OPN5: variants seen among roughly 807,000 people sequenced by gnomAD.
OPN5 encodes opsin 5, also known as opsin-5.
In OPN5, 18 loss-of-function variants were observed where a neutral mutation model predicts 41.7. That is an observed-to-expected ratio of 0.43 (90% CI 0.30 to 0.64). The LOEUF (loss-of-function observed/expected upper bound fraction) is 0.64. Among genes scored for constraint, OPN5 ranks in the 30% least tolerant of loss-of-function variants. The pLI is 0.13. For synonymous variants in OPN5, 178 were observed against 164.3 expected, an observed-to-expected ratio of 1.08 and a Z score of -0.64; for missense variants, 318 against 434.5, an observed-to-expected ratio of 0.73 and a Z score of 2.38.
chr6:47,789,532 G>GA (rs913198693), intron 2 of OPN5, among the ~76,000 whole-genome samples: 36 of 151,498 alleles, frequency 2.4e-4, no homozygotes, highest in Admixed American at 3.9e-4. Context: ...TTGTTGAATG[G>GA]AAAAAAACCC....
At chr6:47,824,159 G>A in exon 7 of OPN5, 1 of 628,828 alleles carries the variant, frequency 1.6e-6, no homozygotes, top group Non-Finnish European at 2.9e-6. Flanking sequence ...TGCACCCTAG[G>A]AGTATCCAAG....
At chr6:47,795,104 T>A in intron 3 of OPN5, 125 bp from the exon 4 acceptor site, 1 of 764,132 alleles carries the variant, frequency 1.3e-6, no homozygotes. Flanking sequence ...CAGGCTTCAG[T>A]TATCTGCCCA....
At chr6:47,820,282 C>T (rs1292117948) in intron 6 of OPN5, among the ~76,000 whole-genome samples, 2 of 152,022 alleles carry the variant, frequency 1.3e-5, no homozygotes, top group East Asian at 3.9e-4. Context: ...ATTCTTTGTC[C>T]CCTATTAGGA....
chr6:47,808,262 G>C, exon 5 of OPN5: 3 of 1,614,034 alleles, frequency 1.9e-6, no homozygotes, highest in Non-Finnish European at 1.7e-6. Context: ...ACAGCTCTCT[G>C]TGGTGCCAAC....
chr6:47,819,356 A>C (rs1375315319), intron 6 of OPN5, among the ~76,000 whole-genome samples: 3 of 30,232 alleles, frequency 9.9e-5, no homozygotes, highest in African/African-American at 3.0e-4. Context: ...TATATATAAA[A>C]AATATATTAC....
At chr6:47,804,904 A>T (rs550582556) in intron 4 of OPN5, among the ~76,000 whole-genome samples, 1 of 152,332 alleles carries the variant, frequency 6.6e-6, no homozygotes, top group South Asian at 2.1e-4. Flanking sequence ...CTCCTCTAAA[A>T]GTAGAAAACA....
At chr6:47,808,372 G>C (rs374749183) in exon 5 of OPN5, 2 of 1,613,944 alleles carry the variant, frequency 1.2e-6, no homozygotes, top group Non-Finnish European at 1.7e-6. Context: ...AAGCAACCAA[G>C]AAGAAGTCTC....
chr6:47,800,254 A>G (rs575219349), intron 4 of OPN5, among the ~76,000 whole-genome samples: 4 of 152,240 alleles, frequency 2.6e-5, no homozygotes, highest in Non-Finnish European at 4.4e-5. Context: ...ACCCAAATCA[A>G]TTTCATCCAA....
At chr6:47,814,888 G>T (rs191829480) in intron 6 of OPN5, among the ~76,000 whole-genome samples, 19 of 152,202 alleles carry the variant, frequency 1.2e-4, no homozygotes, top group Admixed American at 5.2e-4. Flanking sequence ...GATGCATAAA[G>T]GACACTTGGA....
rs368281198 is a variant in OPN5 at position 47,806,186 on chromosome 6, C to G, written c.757-1968C>G. ...CAAACGAACAAACAAACAACCCCCCCAAAAAACAAATAGGTGTCTTACTAC... is the reference window on the plus strand; with the variant it reads ...CAAACGAACAAACAAACAACCCCCCGAAAAAACAAATAGGTGTCTTACTAC... On this transcript the variant is annotated intron_variant, in intron 4 of 6. Transcript: ENST00000371211. Among the ~76,000 whole-genome samples the G allele has an allele frequency of 3.2e-4, 48 of 151,926 alleles. No individual in the cohort carries two copies. The South Asian group carries it at 9.6e-3, about 30-fold the overall frequency.
intron 6 of OPN5, among the ~76,000 whole-genome samples, chr6:47,813,465 G>A (rs993388371): frequency 2.6e-5 from 4 of 152,188 alleles, no homozygotes; most frequent in Non-Finnish European, 5.9e-5. Context: ...TTATTAAGGC[G>A]AGTGGTGGTG....
chr6:47,809,208 AT>A (rs1194064013), intron 5 of OPN5, among the ~76,000 whole-genome samples: 12 of 152,170 alleles, frequency 7.9e-5, no homozygotes, highest in Non-Finnish European at 1.3e-4. Context: ...ACCTGAATTC[AT>A]GGTCTGAGGT....
intron 3 of OPN5, chr6:47,793,754 C>T: frequency 1.1e-6 from 1 of 940,050 alleles, no homozygotes; most frequent in Non-Finnish European, 1.3e-6. Flanking sequence ...ACTTGACAGC[C>T]TTTCACCATA....
intron 6 of OPN5, among the ~76,000 whole-genome samples, chr6:47,812,897 G>A (rs1404913523): frequency 6.6e-6 from 1 of 152,108 alleles, no homozygotes; most frequent in African/African-American, 2.4e-5. Flanking sequence ...CCACTTGAAG[G>A]TTTGTAGAGA....
At chr6:47,820,806 G>A (rs1033883012) in intron 6 of OPN5, among the ~76,000 whole-genome samples, 1 of 152,112 alleles carries the variant, frequency 6.6e-6, no homozygotes, top group African/African-American at 2.4e-5. Flanking sequence ...GGGGTTAAGG[G>A]CACTGATCAG....
Position 47,804,955 on chromosome 6 carries a change from T to C in OPN5, c.757-3199T>C, listed in dbSNP as rs147290517. On this transcript the variant is annotated intron_variant, in intron 4 of 6. Coordinates refer to ENST00000371211, the Ensembl canonical transcript of OPN5. Reference sequence around the variant, plus strand: ...ATATTATGGACTAAGTGCTAATCTATTTTTTGTCAATGACTTTGGCAGCAA... The same window carrying C: ...ATATTATGGACTAAGTGCTAATCTACTTTTTGTCAATGACTTTGGCAGCAA... 2.3e-4 allele frequency among the ~76,000 whole-genome samples: 35 copies of C among 152,350 alleles called. 1 individual carries two copies. The East Asian group carries it at 6.0e-3, about 26-fold the overall frequency.
intron 6 of OPN5, 159 bp downstream of exon 6, chr6:47,811,890 T>C (rs1013440608): frequency 4.2e-6 from 2 of 471,782 alleles, no homozygotes; most frequent in Non-Finnish European, 7.6e-6. Flanking sequence ...GAAATTCCAA[T>C]GGCTAAATGG....
At chr6:47,818,146 G>A (rs774905254) in intron 6 of OPN5, among the ~76,000 whole-genome samples, 1 of 152,124 alleles carries the variant, frequency 6.6e-6, no homozygotes, top group Non-Finnish European at 1.5e-5. Flanking sequence ...ATAGCCGCCC[G>A]ATCCACATAT....
chr6:47,801,860 C>G (rs1773787415), intron 4 of OPN5, among the ~76,000 whole-genome samples: 2 of 151,362 alleles, frequency 1.3e-5, no homozygotes, highest in African/African-American at 2.4e-5. Flanking sequence ...ATGATTCATA[C>G]ATGGTAAGTG....
Sources: allele counts gnomAD v4.1 joint callset (sites outside exome capture counted in the v4.1 genomes callset), GRCh38; gene constraint gnomAD v4.1.1; transcripts MANE v1.5; gene names NCBI Gene and HGNC (gene_info 2026-07-23, HGNC 2026-07-21).